The following MEP1A variants were observed in gnomAD, a reference collection of about 807,000 sequenced individuals.
MEP1A encodes the protein N-benzoyl-L-tyrosyl-P-amino-benzoic acid hydrolase subunit alpha.
A neutral mutation model predicts 84.5 loss-of-function variants in MEP1A; 68 were observed. The observed-to-expected ratio is 0.80, with a 90% CI of 0.66 to 0.98. MEP1A has a LOEUF of 0.98. Ranked by LOEUF, MEP1A falls within the 50% of genes least tolerant of loss-of-function variation. The pLI is 0.00. For missense variants in MEP1A, 887 were observed against 919.9 expected (o/e 0.96, Z 0.46); for synonymous variants, 337 against 336.8 (o/e 1.00, Z -0.01).
intron 10 of MEP1A, among the ~76,000 whole-genome samples, chr6:46,832,275 G>A (rs892675476): frequency 3.9e-5 from 6 of 152,160 alleles, no homozygotes; most frequent in Admixed American, 6.5e-5. Context: ...GCGGAATTGA[G>A]TTGCTTTGCT....
In MEP1A at chr6:46,798,548, A is replaced by T. The variant is rs1767118090; in HGVS notation, c.146-58A>T. 2.3e-6 allele frequency: 3 copies of T among 1,288,448 alleles called. No individual in the cohort carries two copies. In the Admixed American group the frequency reaches 5.1e-5, roughly 22 times the overall value. 79.8% of individuals were successfully genotyped at this position (1,288,448 alleles called of 1,614,324 possible). A position where few individuals can be genotyped will look rare whatever the true frequency, so the allele number is the denominator to read the frequency against. The stretch of plus-strand genomic sequence containing the variant: ...GCAAATACTAATTTTATTACGAAAG[A>T]TGCCTTTTAATAATGTTCACTCAAA... On this transcript the variant is annotated intron_variant, in intron 3 of 13. Transcript: ENST00000230588.
chr6:46,815,854 G>T (rs563402488), intron 6 of MEP1A, among the ~76,000 whole-genome samples: 24 of 152,118 alleles, frequency 1.6e-4, no homozygotes, highest in Non-Finnish European at 3.4e-4. Context: ...TTAAATAAAA[G>T]AAAAATACTG....
the MEP1A span, among the ~76,000 whole-genome samples, chr6:46,845,110 C>T: frequency 2.6e-5 from 4 of 152,182 alleles, no homozygotes; most frequent in Non-Finnish European, 1.5e-5. Flanking sequence ...AACCTCTTTC[C>T]TTTATAAATT....
rs1768114013 is a variant in MEP1A at position 46,833,137 on chromosome 6, A to G, written c.1208A>G (p.Tyr403Cys). The G allele has an allele frequency of 6.4e-7, 1 of 1,561,640 alleles. No homozygotes were observed. Among genetic ancestry groups the G allele is most frequent in the Non-Finnish European group, 8.6e-7 (1 of 1,158,990 alleles). ...VVLKEEQKFR[Y>C]LFQGTKGDPQ... ...CTCAAAGAGGAACAGAAGTTTCGCT[A>G]CCTTTTCCAGGGCACAAAAGGCGAC... Residue 403 changes from tyrosine to cysteine, a missense_variant, in exon 11 of 14, where the codon TAC (tyrosine) becomes TGC (cysteine). Transcript: ENST00000230588.
At chr6:46,830,662 A>G (rs1768056385) in intron 10 of MEP1A, among the ~76,000 whole-genome samples, 1 of 152,188 alleles carries the variant, frequency 6.6e-6, no homozygotes, top group Admixed American at 6.5e-5. Context: ...AAATGAGTCC[A>G]GGGAAAGGAA....
intron 3 of MEP1A, among the ~76,000 whole-genome samples, chr6:46,796,123 TC>T (rs1236912452): frequency 2.0e-5 from 3 of 152,172 alleles, no homozygotes; most frequent in Non-Finnish European, 2.9e-5. Flanking sequence ...GCCAGCAGCA[TC>T]GGCATCACCA....
At chr6:46,842,676 T>A (rs1208817553), downstream of MEP1A, among the ~76,000 whole-genome samples, 1 of 152,154 alleles carries the variant, frequency 6.6e-6, no homozygotes, top group Non-Finnish European at 1.5e-5. Context: ...GCCTTGTGAT[T>A]TTTATTGCCC....
intron 3 of MEP1A, among the ~76,000 whole-genome samples, chr6:46,795,665 A>T (rs1767034848): frequency 6.6e-6 from 1 of 152,126 alleles, no homozygotes; most frequent in Admixed American, 6.5e-5. Context: ...TACCTTGGTC[A>T]GCCACCTCAT....
At chr6:46,810,909 C>T (rs969648664) in intron 6 of MEP1A, among the ~76,000 whole-genome samples, 1 of 152,044 alleles carries the variant, frequency 6.6e-6, no homozygotes, top group African/African-American at 2.4e-5. Flanking sequence ...CGTGATGACT[C>T]CAGATTTGTT....
intron 6 of MEP1A, among the ~76,000 whole-genome samples, chr6:46,809,746 G>A (rs1013125125): frequency 2.6e-5 from 4 of 151,740 alleles, no homozygotes; most frequent in Admixed American, 2.6e-4. Context: ...CTCCATCCAG[G>A]TTGCTGTGAA....
chr6:46,825,994 C>A (rs1767935026), intron 8 of MEP1A, among the ~76,000 whole-genome samples: 1 of 152,040 alleles, frequency 6.6e-6, no homozygotes, highest in Non-Finnish European at 1.5e-5. Context: ...ATCCCCCTAG[C>A]CTTTAGAGAT....
chr6:46,817,018 G>T (rs1767655553), intron 6 of MEP1A, among the ~76,000 whole-genome samples: 1 of 152,164 alleles, frequency 6.6e-6, no homozygotes, highest in South Asian at 2.1e-4. Context: ...TTGAAATAGA[G>T]CAAGACTGGT....
intron 7 of MEP1A, among the ~76,000 whole-genome samples, chr6:46,823,148 G>C (rs1202637226): frequency 6.6e-6 from 1 of 152,174 alleles, no homozygotes; most frequent in Non-Finnish European, 1.5e-5. Flanking sequence ...AGATTTTACA[G>C]TTAAAGCAAG....
chr6:46,835,644 A>T, intron 13 of MEP1A, 95 bp downstream of exon 13: 1 of 1,299,240 alleles, frequency 7.7e-7, no homozygotes, highest in Non-Finnish European at 1.1e-6. Flanking sequence ...GAGTAGGGCG[A>T]AGACTACCTC....
intron 6 of MEP1A, among the ~76,000 whole-genome samples, chr6:46,819,032 C>T (rs1767704940): frequency 6.6e-6 from 1 of 152,080 alleles, no homozygotes; most frequent in Non-Finnish European, 1.5e-5. Flanking sequence ...GTGGGAAGAT[C>T]ACCTGAGTAG....
At chr6:46,844,357 G>T (rs1267962059), downstream of MEP1A, among the ~76,000 whole-genome samples, 1 of 152,088 alleles carries the variant, frequency 6.6e-6, no homozygotes, top group African/African-American at 2.4e-5. Flanking sequence ...GTGTATGTGT[G>T]TAAGAGTTGC....
downstream of MEP1A, among the ~76,000 whole-genome samples, chr6:46,843,420 G>A (rs1768366365): frequency 6.6e-6 from 1 of 152,234 alleles, no homozygotes; most frequent in African/African-American, 2.4e-5. Context: ...GCCTGCCAGA[G>A]TATTGTACCT....
intron 6 of MEP1A, among the ~76,000 whole-genome samples, chr6:46,814,303 A>C (rs945828255): frequency 6.6e-6 from 1 of 152,052 alleles, no homozygotes; most frequent in Non-Finnish European, 1.5e-5. Flanking sequence ...GCCTTTGAGC[A>C]CTAAGATTCT....
intron 3 of MEP1A, among the ~76,000 whole-genome samples, chr6:46,794,744 C>T (rs952843923): frequency 6.6e-6 from 1 of 152,188 alleles, no homozygotes; most frequent in African/African-American, 2.4e-5. Flanking sequence ...CAGAGCCAGG[C>T]ACTAAAATAT....
Sources: allele counts gnomAD v4.1 joint callset (sites outside exome capture counted in the v4.1 genomes callset), GRCh38; gene constraint gnomAD v4.1.1; transcripts MANE v1.5; gene names NCBI Gene and HGNC (gene_info 2026-07-23, HGNC 2026-07-21).